The following RBMS3 variants were observed in gnomAD, a reference collection of about 807,000 sequenced individuals.
RBMS3 encodes the protein RNA binding motif single stranded interacting protein 3.
In RBMS3, 27 loss-of-function variants were observed where a neutral mutation model predicts 66.8. The observed-to-expected ratio is 0.40, with a 90% CI of 0.30 to 0.56. The LOEUF (loss-of-function observed/expected upper bound fraction) is 0.56. Ranked by LOEUF, RBMS3 falls within the 20% of genes least tolerant of loss-of-function variation. The probability of loss-of-function intolerance (pLI) is 0.40; values close to 1 mark genes in which losing one functional copy is unlikely to be tolerated. For missense variants in RBMS3, 513 were observed against 549.5 expected (o/e 0.93, Z 0.66); for synonymous variants, 188 against 183.0 (o/e 1.03, Z -0.22).
intron 1 of RBMS3, among the ~76,000 whole-genome samples, chr3:29,415,176 C>T (rs773084444): frequency 2.0e-5 from 3 of 152,086 alleles, no homozygotes; most frequent in Non-Finnish European, 4.4e-5. Context: ...ACAGGGCCCT[C>T]GTAAGTGCCC....
chr3:29,779,776 C>T (rs376766891), intron 6 of RBMS3, among the ~76,000 whole-genome samples: 135 of 140,128 alleles, frequency 9.6e-4, no homozygotes, highest in African/African-American at 3.3e-3. Context: ...GGTTACTGAT[C>T]GAAGGCACAA....
At chr3:29,396,974 AT>A (rs2039579455) in intron 1 of RBMS3, among the ~76,000 whole-genome samples, 1 of 152,084 alleles carries the variant, frequency 6.6e-6, no homozygotes, top group African/African-American at 2.4e-5. Context: ...CTGCATTTTC[AT>A]TTTTTATTAT....
At chr3:29,316,684 C>T (rs1190752777) in intron 1 of RBMS3, among the ~76,000 whole-genome samples, 2 of 151,328 alleles carry the variant, frequency 1.3e-5, no homozygotes, top group East Asian at 3.9e-4. Flanking sequence ...AACAGTTGTC[C>T]AGGCTCCGGG....
intron 1 of RBMS3, among the ~76,000 whole-genome samples, chr3:29,349,749 T>G (rs2036793538): frequency 6.6e-6 from 1 of 152,206 alleles, no homozygotes; most frequent in South Asian, 2.1e-4. Context: ...GGTGCCTCAG[T>G]TAAAGAATCC....
intron 3 of RBMS3, among the ~76,000 whole-genome samples, chr3:29,512,028 T>C (rs2148956738): frequency 6.6e-6 from 1 of 152,232 alleles, no homozygotes; most frequent in East Asian, 1.9e-4. Flanking sequence ...TTTTCCCTTT[T>C]CTGGTTTCAG....
chr3:29,664,114 G>A (rs1372761387), intron 4 of RBMS3, among the ~76,000 whole-genome samples: 1 of 152,140 alleles, frequency 6.6e-6, no homozygotes, highest in Non-Finnish European at 1.5e-5. Context: ...GATGGAAAGA[G>A]AATAACGTCT....
intron 1 of RBMS3, among the ~76,000 whole-genome samples, chr3:29,382,833 TTA>T (rs2038828783): frequency 1.0e-5 from 1 of 97,648 alleles, no homozygotes. Context: ...CCTGGATTTG[TTA>T]TTTTTTCTCC....
intron 4 of RBMS3, among the ~76,000 whole-genome samples, chr3:29,728,170 C>T (rs1356609206): frequency 1.3e-5 from 2 of 150,192 alleles, no homozygotes; most frequent in Non-Finnish European, 3.0e-5. Flanking sequence ...AAAACATGGA[C>T]ACGGGGAGCG....
chr3:29,841,696 A>G (rs1345903672), intron 6 of RBMS3, among the ~76,000 whole-genome samples: 1 of 152,060 alleles, frequency 6.6e-6, no homozygotes, highest in African/African-American at 2.4e-5. Context: ...ACTGGAAATA[A>G]TGCTTTTAGA....
In RBMS3 at chr3:30,006,927, AG is replaced by A. The variant is rs993983083; in HGVS notation, c.*3066del. The stretch of plus-strand genomic sequence containing the variant: ...ATGAAATTTCAATATCAATTTTTTA[AG>A]CCAGTTTCTGCAAAAGGAAATGACC... On this transcript the variant is annotated 3_prime_UTR_variant, in exon 15 of 15. Transcript: ENST00000383767. 1 of 151,984 alleles carries A rather than the reference AG, an allele frequency of 6.6e-6. No individual in the cohort carries two copies. Among genetic ancestry groups the A allele is most frequent in the African/African-American group, 2.4e-5 (1 of 41,416 alleles). 9.4% of individuals were successfully genotyped at this position (151,984 alleles called of 1,614,324 possible). A position where few individuals can be genotyped will look rare whatever the true frequency, so the allele number is the denominator to read the frequency against.
At chr3:29,980,323 T>C (rs1363675972) in intron 12 of RBMS3, among the ~76,000 whole-genome samples, 1 of 152,258 alleles carries the variant, frequency 6.6e-6, no homozygotes, top group African/African-American at 2.4e-5. Flanking sequence ...TTGTAGATTC[T>C]GGATATTAGC....
chr3:29,326,975 C>A (rs993025532), intron 1 of RBMS3, among the ~76,000 whole-genome samples: 1 of 152,108 alleles, frequency 6.6e-6, no homozygotes, highest in African/African-American at 2.4e-5. Context: ...CATGATCTGC[C>A]CGCACTGGCC....
intron 4 of RBMS3, among the ~76,000 whole-genome samples, chr3:29,680,827 A>T (rs2051455649): frequency 6.6e-6 from 1 of 152,172 alleles, no homozygotes; most frequent in Non-Finnish European, 1.5e-5. Context: ...ACTAGAGTTC[A>T]ATGTTTCTAT....
chr3:29,796,609 G>A (rs2057198059), intron 6 of RBMS3, among the ~76,000 whole-genome samples: 1 of 151,738 alleles, frequency 6.6e-6, no homozygotes. Context: ...TGGATGTTGT[G>A]TTAGCAGGCC....
At chr3:29,804,777 G>T (rs1052222753) in intron 6 of RBMS3, among the ~76,000 whole-genome samples, 5 of 151,994 alleles carry the variant, frequency 3.3e-5, no homozygotes, top group Non-Finnish European at 5.9e-5. Context: ...ACCTCAATTT[G>T]CATAATGCCT....
intron 3 of RBMS3, among the ~76,000 whole-genome samples, chr3:29,551,868 T>C (rs1204879484): frequency 6.6e-6 from 1 of 152,172 alleles, no homozygotes; most frequent in Non-Finnish European, 1.5e-5. Flanking sequence ...GGCCCTTTGC[T>C]CCTGGAAAAG....
intron 4 of RBMS3, among the ~76,000 whole-genome samples, chr3:29,669,847 A>G (rs6785789): frequency 0.15 from 22,585 of 152,200 alleles, 1,754 homozygotes; most frequent in Middle Eastern, 0.24. Context: ...ACACATGAGT[A>G]TGCAATAACT....
At chr3:29,951,257 G>C (rs1320574212) in intron 12 of RBMS3, among the ~76,000 whole-genome samples, 1 of 151,798 alleles carries the variant, frequency 6.6e-6, no homozygotes, top group African/African-American at 2.4e-5. Context: ...TTGATTGTGT[G>C]TTGATCTTAT....
At chr3:29,897,756 G>A (rs2060159905) in intron 9 of RBMS3, among the ~76,000 whole-genome samples, 2 of 151,420 alleles carry the variant, frequency 1.3e-5, no homozygotes, top group African/African-American at 4.8e-5. Context: ...CTCACCACTG[G>A]GAAATTATTT....
Sources: allele counts gnomAD v4.1 joint callset (sites outside exome capture counted in the v4.1 genomes callset), GRCh38; gene constraint gnomAD v4.1.1; transcripts MANE v1.5; gene names NCBI Gene and HGNC (gene_info 2026-07-23, HGNC 2026-07-21).